Variants in MYO1C observed in about 807,000 individuals in gnomAD.
The protein encoded by MYO1C is myosin IC.
Under a neutral mutation model 150.8 loss-of-function variants are expected in MYO1C, and 104 were observed. The ratio of observed to expected loss-of-function variants is 0.69; its 90% CI spans 0.59 to 0.81. The LOEUF is 0.81. MYO1C is among the 30% of genes least tolerant of loss of function. The pLI is 0.00. For missense variants in MYO1C, 1,504 were observed against 1,435.0 expected, an observed-to-expected ratio of 1.05 and a Z score of -0.78; for synonymous variants, 663 against 579.9, an observed-to-expected ratio of 1.14 and a Z score of -2.06.
At chr17:1,484,797 C>G (rs1003866691) in intron 1 of MYO1C, 2 of 386,476 alleles carry the variant, frequency 5.2e-6, no homozygotes, top group African/African-American at 4.2e-5. Flanking sequence ...TCCCTCAGCT[C>G]TGAGCCACGT....
chr17:1,480,477 A>AT, intron 7 of MYO1C, 50 bp downstream of exon 7: 2 of 1,451,648 alleles, frequency 1.4e-6, no homozygotes, highest in Non-Finnish European at 9.7e-7. Flanking sequence ...AAAAAAGGAG[A>AT]TTTTGGGGGT....
In MYO1C at chr17:1,478,126, G is replaced by C; in HGVS notation, c.1362C>G (p.Leu454=). The part of the protein sequence containing the change: ...KLQQLFIELT[L]KSEQEEYEAE... Reference sequence around the variant, plus strand: ...CCTCGTACTCCTCCTGCTCCGACTTGAGCGTGAGCTCGATGAAGAGCTGCT... The same window carrying C: ...CCTCGTACTCCTCCTGCTCCGACTTCAGCGTGAGCTCGATGAAGAGCTGCT... Residue 454 remains leucine (L), a synonymous_variant, in exon 12 of 32, where the codon CTC becomes CTG. Coordinates refer to ENST00000648651, the MANE Select transcript of MYO1C (RefSeq NM_001080779.2). This position sits in a 1 kb window ranked among gnomAD's most constrained non-coding sequence, Gnocchi z 6.3. 1 of 1,614,090 alleles carries C rather than the reference G, an allele frequency of 6.2e-7. No individual in the cohort carries two copies. The highest frequency in any genetic ancestry group is 2.2e-5 in the East Asian group (1 of 44,888).
chr17:1,472,438 A>C (rs1300771121), intron 17 of MYO1C: 2 of 581,836 alleles, frequency 3.4e-6, no homozygotes, highest in Non-Finnish European at 6.1e-6. Flanking sequence ...ACCTCAGTCT[A>C]CGAGCCTCAC....
In MYO1C at chr17:1,483,733, C is replaced by A. The variant is rs565398167; in HGVS notation, c.232-8G>T. The stretch of plus-strand genomic sequence containing the variant: ...GACGGGGCCAATGTAGGTCTGGGAT[C>A]GGGGGAAGAGGGTCCAAAGTTTATC... On this transcript the variant is annotated splice_region_variant and splice_polypyrimidine_tract_variant and intron_variant, in intron 2 of 31. Transcript: ENST00000648651. 3.6e-5 allele frequency: 57 copies of A among 1,599,324 alleles called. No individual in the cohort carries two copies. The highest frequency in any genetic ancestry group is 4.6e-5 in the Non-Finnish European group (54 of 1,171,876).
intron 1 of MYO1C, chr17:1,485,806 C>T: frequency 1.5e-6 from 1 of 664,066 alleles, no homozygotes; most frequent in Non-Finnish European, 1.9e-6. Context: ...AGGGCCCGCC[C>T]CCCGCACCGC....
chr17:1,489,085 G>A (rs374838744), intron 1 of MYO1C, among the ~76,000 whole-genome samples: 1 of 152,196 alleles, frequency 6.6e-6, no homozygotes, highest in African/African-American at 2.4e-5. Context: ...GCTATAAACC[G>A]ATGTCCACTG....
At chr17:1,492,253 T>G (rs1482337573) in intron 1 of MYO1C, among the ~76,000 whole-genome samples, 160 bp downstream of exon 1, 2 of 152,194 alleles carry the variant, frequency 1.3e-5, no homozygotes, top group Admixed American at 6.5e-5. Context: ...GCATCCTTAC[T>G]CTTCCACTCA....
intron 1 of MYO1C, chr17:1,485,364 G>A: frequency 9.2e-7 from 1 of 1,091,554 alleles, no homozygotes; most frequent in East Asian, 7.9e-5. Flanking sequence ...TTCTGGCCGG[G>A]GGCCTGCCCC....
intron 5 of MYO1C, 125 bp downstream of exon 5, chr17:1,482,353 T>C: frequency 2.2e-6 from 2 of 892,580 alleles, no homozygotes; most frequent in Non-Finnish European, 3.7e-6. Flanking sequence ...GAAGGCAGGA[T>C]TTTTGTTTGC....
chr17:1,481,688 G>A (rs970985912), intron 5 of MYO1C, among the ~76,000 whole-genome samples: 3 of 151,392 alleles, frequency 2.0e-5, no homozygotes, highest in East Asian at 2.0e-4. Flanking sequence ...TTCAGTAGAG[G>A]CAGGGTTTCA....
intron 1 of MYO1C, chr17:1,485,555 TC>T (rs2074635528): frequency 4.7e-6 from 3 of 634,102 alleles, no homozygotes; most frequent in South Asian, 6.9e-5. Context: ...CTCGGCCTCC[TC>T]CCCCTGCAAC....
chr17:1,469,653 G>C (rs1362138121), intron 24 of MYO1C, 39 bp from the exon 25 acceptor site: 1 of 1,513,228 alleles, frequency 6.6e-7, no homozygotes, highest in South Asian at 1.2e-5. Context: ...TGGACACCCT[G>C]GGCCCTTCCC....
At chr17:1,484,040 CAAAA>C (rs375403851) in intron 2 of MYO1C, 104 bp downstream of exon 2, 22 of 1,179,390 alleles carry the variant, frequency 1.9e-5, no homozygotes, top group Admixed American at 2.3e-5. Flanking sequence ...GAAACTGTCT[CAAAA>C]AAAAAAAAAA....
chr17:1,470,718 C>T, intron 21 of MYO1C, 29 bp from the exon 22 acceptor site: 2 of 1,592,552 alleles, frequency 1.3e-6, no homozygotes, highest in Non-Finnish European at 1.7e-6. Flanking sequence ...GGCAATTGGC[C>T]AGAGCGCGGG....
chr17:1,492,053 C>G, intron 1 of MYO1C: 1 of 355,174 alleles, frequency 2.8e-6, no homozygotes, highest in Middle Eastern at 9.5e-4. Flanking sequence ...CGGTCCCAGC[C>G]CTGCGGACTG....
At position 1,471,205 on chromosome 17, in the gene MYO1C, G is replaced by C; in HGVS notation, c.2135+18C>G. ...CCACTCCCATTCCCCGCAGGCACCC[G>C]GCACGGACACTACCCACCTGCCCAT... On this transcript the variant is annotated intron_variant, in intron 20 of 31. Transcript: ENST00000648651. The C allele has an allele frequency of 6.2e-7, 1 of 1,613,812 alleles. No individual in the cohort carries two copies. The highest frequency in any genetic ancestry group is 8.5e-7 in the Non-Finnish European group (1 of 1,179,846).
At position 1,492,532 on chromosome 17, in the gene MYO1C, G is replaced by A. The variant is rs1374816433; in HGVS notation, c.-45C>T. ...GCGGCCTGGGCACCGCGGCCTGTGA[G>A]CAAGAGCTGCCTGCCCACTGGCGGG... On this transcript the variant is annotated 5_prime_UTR_variant, in exon 1 of 32. Transcript: ENST00000648651. The A allele has an allele frequency of 6.4e-7, 1 of 1,551,684 alleles. No homozygotes were observed. The highest frequency in any genetic ancestry group is 1.2e-5 in the South Asian group (1 of 85,296).
chr17:1,488,382 G>T (rs1486396769), intron 1 of MYO1C, among the ~76,000 whole-genome samples: 1 of 152,224 alleles, frequency 6.6e-6, no homozygotes, highest in Non-Finnish European at 1.5e-5. Context: ...CTGGACGGAA[G>T]CGCGAGCCCC....
Position 1,480,569 on chromosome 17 carries a change from C to T in MYO1C, c.864G>A (p.Arg288=), listed in dbSNP as rs1381650368. 2.5e-6 allele frequency: 4 copies of T among 1,614,202 alleles called. No individual in the cohort carries two copies. The highest frequency in any genetic ancestry group is 3.4e-6 in the Non-Finnish European group (4 of 1,180,036). ...TGAAATCAATGACTGTCAGAGCCTT[C>T]CTGACGACCTTCCAGTCACTCTTGT... ...INDKSDWKVV[R]KALTVIDFTE... Residue 288 remains arginine (R), a synonymous_variant, in exon 7 of 32, where the codon AGG becomes AGA. Coordinates refer to ENST00000648651, the MANE Select transcript of MYO1C (RefSeq NM_001080779.2).
Sources: gnomAD v4.1 joint callset for allele counts (sites outside exome capture counted in the v4.1 genomes callset) on GRCh38, gnomAD v4.1.1 for gene constraint, Gnocchi (gnomAD v3.1) non-coding constraint, MANE v1.5 for transcripts, NCBI Gene and HGNC (gene_info 2026-07-23, HGNC 2026-07-21) for gene names.